Variants in FRS2 observed in about 807,000 individuals in gnomAD.
FRS2 encodes FGFR signalling adaptor.
A neutral mutation model predicts 43.9 loss-of-function variants in FRS2; 8 were observed. The ratio of observed to expected loss-of-function variants is 0.18; its 90% CI spans 0.11 to 0.33. The LOEUF (loss-of-function observed/expected upper bound fraction) is 0.33, where lower values mean the gene tolerates loss of function less well. Among genes scored for constraint, FRS2 ranks in the 10% least tolerant of loss-of-function variants. The pLI, the probability that FRS2 is intolerant of heterozygous loss-of-function variation, is 1.00. For missense variants in FRS2, 534 were observed against 627.6 expected (o/e 0.85, Z 1.59); for synonymous variants, 219 against 220.3 (o/e 0.99, Z 0.05).
At chr12:69,542,218 C>T (rs911379077) in intron 3 of FRS2, among the ~76,000 whole-genome samples, 1 of 152,068 alleles carries the variant, frequency 6.6e-6, no homozygotes, top group Non-Finnish European at 1.5e-5. Flanking sequence ...TGAAAATGTG[C>T]GTGCTGTCAG....
chr12:69,534,600 A>G (rs1013648914), intron 3 of FRS2, among the ~76,000 whole-genome samples: 3 of 152,128 alleles, frequency 2.0e-5, no homozygotes, highest in Non-Finnish European at 4.4e-5. Context: ...CTGTTTGGAG[A>G]AGAATGCAGC....
At chr12:69,545,338 AAAG>A (rs1343717098) in intron 3 of FRS2, among the ~76,000 whole-genome samples, 7 of 152,216 alleles carry the variant, frequency 4.6e-5, no homozygotes, top group African/African-American at 1.4e-4. Flanking sequence ...CAATCTTGAA[AAAG>A]AAGAAGAAAG....
intron 1 of FRS2, among the ~76,000 whole-genome samples, chr12:69,530,458 G>T (rs1876678451): frequency 6.6e-6 from 1 of 152,060 alleles, no homozygotes; most frequent in East Asian, 1.9e-4. Context: ...GTGCTTTGAG[G>T]CTGGGCATGG....
chr12:69,522,190 T>TTTTGTG (rs1875732164), intron 1 of FRS2, among the ~76,000 whole-genome samples: 4 of 134,820 alleles, frequency 3.0e-5, no homozygotes, highest in African/African-American at 1.1e-4. Context: ...GAAGTTTTCT[T>TTTTGTG]TGTGTGTGTG....
chr12:69,531,257 G>T (rs1340986872), intron 2 of FRS2, among the ~76,000 whole-genome samples: 1 of 151,720 alleles, frequency 6.6e-6, no homozygotes, highest in African/African-American at 2.4e-5. Context: ...TTGAACCCAG[G>T]AGGTGGAGGC....
intron 1 of FRS2, chr12:69,491,592 C>G (rs1024829014): frequency 5.5e-5 from 8 of 146,198 alleles, no homozygotes; most frequent in Non-Finnish European, 1.2e-4. Context: ...TCTTGAACTC[C>G]TGGGCTCAAG....
chr12:69,512,505 G>T (rs1051661462), intron 1 of FRS2, among the ~76,000 whole-genome samples: 1 of 152,150 alleles, frequency 6.6e-6, no homozygotes, highest in Non-Finnish European at 1.5e-5. Flanking sequence ...AAATGCAGAA[G>T]AACTTTTTTC....
intron 6 of FRS2, 103 bp from the exon 7 acceptor site, chr12:69,571,173 G>A (rs1475495345): frequency 1.5e-6 from 1 of 653,584 alleles, no homozygotes; most frequent in Non-Finnish European, 2.6e-6. Flanking sequence ...TTCTGACTCG[G>A]TGCGTAGAAT....
intron 3 of FRS2, among the ~76,000 whole-genome samples, chr12:69,534,232 A>G (rs1483750356): frequency 6.6e-6 from 1 of 152,236 alleles, no homozygotes; most frequent in African/African-American, 2.4e-5. Flanking sequence ...AACGTAATAC[A>G]CAAAAATGTG....
chr12:69,521,974 A>G (rs1021458255), intron 1 of FRS2, among the ~76,000 whole-genome samples: 6 of 152,134 alleles, frequency 3.9e-5, no homozygotes, highest in Non-Finnish European at 7.4e-5. Flanking sequence ...TTCTGCGTCT[A>G]TTGAATTGAT....
At position 69,570,321 on chromosome 12, in the gene FRS2, C is replaced by CT; in HGVS notation, c.67-3dup. Reference sequence around the variant, plus strand: ...GACATATTTGCATGACTGTCACCTTCTTTTTTTAGGTCATTAATGTGGATG... The same window carrying CT: ...GACATATTTGCATGACTGTCACCTTCTTTTTTTTAGGTCATTAATGTGGATG... On this transcript the variant is annotated splice_polypyrimidine_tract_variant and intron_variant, in intron 5 of 8. Coordinates refer to ENST00000549921, the MANE Select transcript of FRS2 (RefSeq NM_001278356.2). 3 of 1,604,714 alleles carry CT rather than the reference C, an allele frequency of 1.9e-6. No homozygotes were observed. The highest frequency in any genetic ancestry group is 2.6e-6 in the Non-Finnish European group (3 of 1,171,710).
intron 1 of FRS2, among the ~76,000 whole-genome samples, chr12:69,510,451 A>G (rs1431739365): frequency 6.6e-6 from 1 of 152,126 alleles, no homozygotes. Context: ...ACATATTCTG[A>G]TACAGTTCTT....
intron 1 of FRS2, among the ~76,000 whole-genome samples, chr12:69,482,965 T>A (rs1390621554): frequency 6.6e-6 from 1 of 152,192 alleles, no homozygotes; most frequent in Non-Finnish European, 1.5e-5. Context: ...CATTTTACAT[T>A]CCCACATCTC....
chr12:69,510,727 T>C (rs1290959235), intron 1 of FRS2, among the ~76,000 whole-genome samples: 3 of 152,138 alleles, frequency 2.0e-5, no homozygotes, highest in Non-Finnish European at 4.4e-5. Flanking sequence ...ATAGAGACAA[T>C]AATAGCTAGC....
At chr12:69,525,644 T>TTTCCTCTCC (rs1272703819) in intron 1 of FRS2, among the ~76,000 whole-genome samples, 1 of 152,174 alleles carries the variant, frequency 6.6e-6, no homozygotes. Context: ...GTGTCCTCTC[T>TTTCCTCTCC]TTCCTCTCCT....
chr12:69,519,878 G>GT (rs1875458675), intron 1 of FRS2, among the ~76,000 whole-genome samples: 1 of 152,122 alleles, frequency 6.6e-6, no homozygotes, highest in Non-Finnish European at 1.5e-5. Context: ...ATATATGTGC[G>GT]TATGTCTTTA....
chr12:69,495,807 C>T (rs1288572396), intron 1 of FRS2, among the ~76,000 whole-genome samples: 1 of 151,976 alleles, frequency 6.6e-6, no homozygotes, highest in Non-Finnish European at 1.5e-5. Flanking sequence ...GTGGTGCACA[C>T]CTGTAGTCGT....
At chr12:69,491,712 A>G (rs903581610) in intron 1 of FRS2, 4 of 151,848 alleles carry the variant, frequency 2.6e-5, no homozygotes, top group African/African-American at 9.7e-5. Flanking sequence ...GGGACTCACT[A>G]TGTTGTCCAT....
At chr12:69,551,909 A>G (rs1292963448) in intron 3 of FRS2, among the ~76,000 whole-genome samples, 1 of 151,976 alleles carries the variant, frequency 6.6e-6, no homozygotes, top group Non-Finnish European at 1.5e-5. Flanking sequence ...ACATTTTCCA[A>G]TTTTATTCAC....
Sources: gnomAD v4.1 joint callset for allele counts (sites outside exome capture counted in the v4.1 genomes callset) on GRCh38, gnomAD v4.1.1 for gene constraint, MANE v1.5 for transcripts, NCBI Gene and HGNC (gene_info 2026-07-23, HGNC 2026-07-21) for gene names.